Variants in SNTB1 observed in about 807,000 individuals in gnomAD.
SNTB1 encodes syntrophin beta 1.
SNTB1 carries 36 observed loss-of-function variants against 48.9 expected under a neutral mutation model. The ratio of observed to expected loss-of-function variants is 0.74; its 90% CI spans 0.56 to 0.97. SNTB1 has a LOEUF of 0.97. Ranked by LOEUF, SNTB1 falls within the 50% of genes least tolerant of loss-of-function variation. The pLI, the probability that SNTB1 is intolerant of heterozygous loss-of-function variation, is 0.00. For synonymous variants in SNTB1, 299 were observed against 294.6 expected, an observed-to-expected ratio of 1.01 and a Z score of -0.15; for missense variants, 786 against 703.4, an observed-to-expected ratio of 1.12 and a Z score of -1.33.
At chr8:120,783,637 CT>C (rs1020886563) in intron 1 of SNTB1, among the ~76,000 whole-genome samples, 3 of 152,042 alleles carry the variant, frequency 2.0e-5, no homozygotes, top group African/African-American at 7.2e-5. Context: ...CCTTTTAGTC[CT>C]TTCCAATTCT....
chr8:120,794,920 G>A (rs1183004554), intron 1 of SNTB1, among the ~76,000 whole-genome samples: 1 of 151,748 alleles, frequency 6.6e-6, no homozygotes, highest in Non-Finnish European at 1.5e-5. Context: ...CTACTTTCTG[G>A]TCAGTCTATC....
At chr8:120,565,447 C>A (rs556225125) in intron 4 of SNTB1, among the ~76,000 whole-genome samples, 2 of 152,144 alleles carry the variant, frequency 1.3e-5, no homozygotes, top group Non-Finnish European at 2.9e-5. Context: ...TGGTAAGTAG[C>A]AAGGCTGGGA....
At chr8:120,810,267 C>G (rs1820402505) in intron 1 of SNTB1, among the ~76,000 whole-genome samples, 1 of 152,118 alleles carries the variant, frequency 6.6e-6, no homozygotes, top group South Asian at 2.1e-4. Flanking sequence ...GTACACAGCA[C>G]TAAAGAGAAG....
At chr8:120,633,279 A>G (rs146875935) in intron 2 of SNTB1, among the ~76,000 whole-genome samples, 11 of 152,304 alleles carry the variant, frequency 7.2e-5, no homozygotes, top group African/African-American at 1.7e-4. Flanking sequence ...GGAAGAGGTA[A>G]CAATGGGGAG....
At chr8:120,647,059 C>T (rs9720742) in intron 2 of SNTB1, among the ~76,000 whole-genome samples, 137,300 of 137,620 alleles carry the variant, frequency 1, 68,490 homozygotes, top group East Asian at 1. Flanking sequence ...TCTCTCTTTT[C>T]TTCTTTATTA....
At chr8:120,626,307 T>C (rs1457841563) in intron 3 of SNTB1, among the ~76,000 whole-genome samples, 1 of 152,196 alleles carries the variant, frequency 6.6e-6, no homozygotes, top group East Asian at 1.9e-4. Context: ...GTAGACAGAT[T>C]GAGAAATCTC....
intron 1 of SNTB1, among the ~76,000 whole-genome samples, chr8:120,781,648 C>T (rs111471655): frequency 2.6e-5 from 4 of 152,158 alleles, no homozygotes; most frequent in Admixed American, 1.3e-4. Context: ...GTGTATTATA[C>T]GTGTGTGGCC....
rs1043606375 is a variant in SNTB1 at position 120,811,438 on chromosome 8, G to C, written c.406C>G (p.Pro136Ala). ...SIKGGKENKM[P>A]ILISKIFKGL... ...TTGAAGATCTTGCTGATGAGGATGG[G>C]CATCTTGTTCTCCTTGCCCCCCTTG... The change falls in exon 1 of 7, where the codon CCC becomes GCC. Residue 136 changes from proline (P) to alanine (A), a missense_variant. Physicochemically the swap from Pro to Ala is conservative, Grantham distance 27 (BLOSUM62 -1). Transcript: ENST00000517992. 2 of 1,613,996 alleles carry C rather than the reference G, an allele frequency of 1.2e-6. No homozygotes were observed. The highest frequency in any genetic ancestry group is 2.2e-5 in the East Asian group (1 of 44,856).
intron 1 of SNTB1, among the ~76,000 whole-genome samples, chr8:120,697,473 C>T (rs566775772): frequency 1.3e-5 from 2 of 152,140 alleles, no homozygotes; most frequent in African/African-American, 4.8e-5. Context: ...AAGTTTAAGC[C>T]AGGAAAAAGG....
At chr8:120,622,331 A>G (rs928928786) in intron 3 of SNTB1, among the ~76,000 whole-genome samples, 1 of 152,218 alleles carries the variant, frequency 6.6e-6, no homozygotes, top group Non-Finnish European at 1.5e-5. Flanking sequence ...AATTATAAAT[A>G]AAATCAATAT....
At chr8:120,558,173 G>A (rs1815597552) in intron 4 of SNTB1, among the ~76,000 whole-genome samples, 2 of 152,126 alleles carry the variant, frequency 1.3e-5, no homozygotes, top group African/African-American at 2.4e-5. Context: ...GTCTCAGGGG[G>A]ACTCTGAAAT....
intron 3 of SNTB1, among the ~76,000 whole-genome samples, chr8:120,608,592 C>T (rs1429963797): frequency 6.6e-6 from 1 of 152,170 alleles, no homozygotes; most frequent in East Asian, 1.9e-4. Context: ...AGACTTTCAG[C>T]CTCCAGAACT....
intron 1 of SNTB1, among the ~76,000 whole-genome samples, chr8:120,760,010 T>C (rs1819389012): frequency 6.6e-6 from 1 of 152,192 alleles, no homozygotes; most frequent in African/African-American, 2.4e-5. Flanking sequence ...TTGTTGGCCA[T>C]ACAGTCTCTG....
intron 3 of SNTB1, among the ~76,000 whole-genome samples, chr8:120,615,320 C>T (rs1454804221): frequency 3.9e-5 from 6 of 152,164 alleles, no homozygotes; most frequent in African/African-American, 1.4e-4. Context: ...CAAGAATCAA[C>T]ATGACGGATC....
intron 2 of SNTB1, among the ~76,000 whole-genome samples, chr8:120,668,710 C>T (rs1817713558): frequency 6.6e-6 from 1 of 152,188 alleles, no homozygotes; most frequent in South Asian, 2.1e-4. Flanking sequence ...AGTACTCTCT[C>T]CTTTCTTCTG....
At chr8:120,800,781 A>G (rs553038026) in intron 1 of SNTB1, among the ~76,000 whole-genome samples, 15 of 152,230 alleles carry the variant, frequency 9.9e-5, no homozygotes, top group African/African-American at 3.6e-4. Flanking sequence ...AACTCTAAGA[A>G]ATCTAATCAT....
chr8:120,623,645 G>T (rs1448565837), intron 3 of SNTB1, among the ~76,000 whole-genome samples: 1 of 152,204 alleles, frequency 6.6e-6, no homozygotes, highest in Non-Finnish European at 1.5e-5. Context: ...CATCTGTCCA[G>T]TGCTGAGTAG....
At chr8:120,811,056 C>CTT (rs1384242852) in intron 1 of SNTB1, among the ~76,000 whole-genome samples, 25 of 152,102 alleles carry the variant, frequency 1.6e-4, no homozygotes, top group Non-Finnish European at 2.9e-4. Flanking sequence ...GGAAAGACTG[C>CTT]GGGCTGGAGA....
chr8:120,687,822 T>A (rs1818058320), intron 2 of SNTB1, among the ~76,000 whole-genome samples: 1 of 152,210 alleles, frequency 6.6e-6, no homozygotes, highest in South Asian at 2.1e-4. Context: ...GACAACTGTG[T>A]TGCTCATCAT....
Sources: allele counts gnomAD v4.1 joint callset (sites outside exome capture counted in the v4.1 genomes callset), GRCh38; gene constraint gnomAD v4.1.1; transcripts MANE v1.5; gene names NCBI Gene and HGNC (gene_info 2026-07-23, HGNC 2026-07-21).